Variants in NRG1 observed in about 807,000 individuals in gnomAD.
NRG1 encodes the protein neuregulin 1.
Under a neutral mutation model 63.8 loss-of-function variants are expected in NRG1, and 18 were observed. That is an observed-to-expected ratio of 0.28 (90% CI 0.19 to 0.42). NRG1 has a LOEUF of 0.42. Among genes scored for constraint, NRG1 ranks in the 10% least tolerant of loss-of-function variants. The probability of loss-of-function intolerance (pLI) is 1.00; values close to 1 mark genes in which losing one functional copy is unlikely to be tolerated. For missense variants in NRG1, 762 were observed against 814.7 expected, an observed-to-expected ratio of 0.94 and a Z score of 0.79; for synonymous variants, 302 against 301.3, an observed-to-expected ratio of 1.00 and a Z score of -0.02.
At position 32,309,744 on chromosome 8, in the gene NRG1, T is replaced by G. The variant is rs556020333; in HGVS notation, c.38-286084T>G. 1.4e-4 allele frequency among the ~76,000 whole-genome samples: 21 copies of G among 152,350 alleles called. No individual in the cohort carries two copies. The South Asian group carries it at 3.7e-3, about 27-fold the overall frequency. ...TTCCAGAGAACTACACTTGCTAAGT[T>G]CAGAATACTTTATCAGCTTACTTTG... On this transcript the variant is annotated intron_variant, in intron 1 of 10. Coordinates refer to the NRG1 transcript ENST00000519301.
At chr8:32,449,898 C>T (rs771436883) in intron 1 of NRG1, among the ~76,000 whole-genome samples, 1 of 152,110 alleles carries the variant, frequency 6.6e-6, no homozygotes, top group African/African-American at 2.4e-5. Context: ...CCTATGCAAT[C>T]GTGAAGATTT....
intron 1 of NRG1, among the ~76,000 whole-genome samples, chr8:32,581,014 A>G (rs757376364): frequency 2.6e-5 from 4 of 152,184 alleles, no homozygotes; most frequent in Non-Finnish European, 5.9e-5. Flanking sequence ...TGTAAAGAGG[A>G]AGGATTTATT....
At chr8:32,648,605 A>C (rs1381509994) in intron 5 of NRG1, among the ~76,000 whole-genome samples, 6 of 152,222 alleles carry the variant, frequency 3.9e-5, no homozygotes, top group Non-Finnish European at 5.9e-5. Context: ...CTCTCTAGCC[A>C]CATGGCTCAA....
intron 1 of NRG1, among the ~76,000 whole-genome samples, chr8:32,473,311 C>G (rs544843559): frequency 9.9e-5 from 15 of 152,274 alleles, no homozygotes; most frequent in African/African-American, 3.6e-4. Context: ...AATTTTAGAA[C>G]TGGAATTGAC....
intron 1 of NRG1, among the ~76,000 whole-genome samples, chr8:32,506,294 T>C (rs1230818349): frequency 6.6e-6 from 1 of 152,168 alleles, no homozygotes; most frequent in Non-Finnish European, 1.5e-5. Context: ...ATGCTGTTAC[T>C]AGATCTAAGT....
chr8:31,768,612 C>T (rs1168813385), intron 1 of NRG1, among the ~76,000 whole-genome samples: 3 of 152,184 alleles, frequency 2.0e-5, no homozygotes, highest in African/African-American at 4.8e-5. Context: ...AAAATCAGAT[C>T]CAACACATAC....
At chr8:31,809,464 C>G (rs1014204195) in intron 1 of NRG1, among the ~76,000 whole-genome samples, 1 of 149,594 alleles carries the variant, frequency 6.7e-6, no homozygotes, top group African/African-American at 2.4e-5. Flanking sequence ...TTTCTGTTCT[C>G]TGTCTTAACT....
chr8:32,668,365 A>C (rs1026785317), intron 5 of NRG1, among the ~76,000 whole-genome samples: 1 of 152,286 alleles, frequency 6.6e-6, no homozygotes, highest in Admixed American at 6.5e-5. Flanking sequence ...AACTGAGCTC[A>C]TGGAAGTAAC....
At chr8:32,305,314 G>A (rs368174994) in intron 1 of NRG1, among the ~76,000 whole-genome samples, 1 of 152,092 alleles carries the variant, frequency 6.6e-6, no homozygotes, top group African/African-American at 2.4e-5. Flanking sequence ...GTTAGTGAAT[G>A]AAGCTTTGTG....
chr8:32,652,596 C>T (rs1855364237), intron 5 of NRG1, among the ~76,000 whole-genome samples: 1 of 152,016 alleles, frequency 6.6e-6, no homozygotes, highest in Non-Finnish European at 1.5e-5. Context: ...AAAATAATTT[C>T]AACTGTCTTT....
intron 1 of NRG1, among the ~76,000 whole-genome samples, chr8:32,522,939 C>T (rs937694612): frequency 1.3e-5 from 2 of 151,822 alleles, no homozygotes; most frequent in African/African-American, 2.4e-5. Flanking sequence ...GTAGCTAGGA[C>T]TATAGGTGCC....
At chr8:31,891,084 A>G (rs1398914032) in intron 1 of NRG1, among the ~76,000 whole-genome samples, 1 of 152,234 alleles carries the variant, frequency 6.6e-6, no homozygotes, top group African/African-American at 2.4e-5. Context: ...TTTCAGATCT[A>G]AGGTGAGCCA....
rs181681529 is a variant in NRG1, at chr8:32,442,312, G to A, written c.38-153516G>A. On this transcript the variant is annotated intron_variant, in intron 1 of 10. Coordinates refer to the NRG1 transcript ENST00000519301. ...AGGTTTACCTGAGCCTGGACTCAAA[G>A]AATTACCTTCATTATGAGCTAAAGG... Among the ~76,000 whole-genome samples the A allele has an allele frequency of 3.5e-3, 532 of 152,284 alleles. 2 individuals carry two copies. Among genetic ancestry groups the A allele is most frequent in the Admixed American group, 0.012 (182 of 15,284 alleles).
chr8:32,151,628 G>A (rs1221823591), intron 1 of NRG1, among the ~76,000 whole-genome samples: 1 of 152,128 alleles, frequency 6.6e-6, no homozygotes, highest in African/African-American at 2.4e-5. Context: ...TATACTTGCT[G>A]GGGAAATGAG....
intron 1 of NRG1, among the ~76,000 whole-genome samples, chr8:31,847,751 G>T (rs2129608592): frequency 6.6e-6 from 1 of 152,304 alleles, no homozygotes; most frequent in African/African-American, 2.4e-5. Context: ...ATCACTTGCT[G>T]ATTTCTGCTG....
intron 1 of NRG1, among the ~76,000 whole-genome samples, chr8:32,536,118 T>G (rs1471894433): frequency 6.6e-6 from 1 of 152,188 alleles, no homozygotes; most frequent in Non-Finnish European, 1.5e-5. Context: ...AACTCACACT[T>G]TGTAGGTCAG....
intron 1 of NRG1, among the ~76,000 whole-genome samples, chr8:32,048,372 T>A (rs1821377706): frequency 6.7e-6 from 1 of 148,652 alleles, no homozygotes; most frequent in Admixed American, 6.8e-5. Context: ...CATGTATACA[T>A]ATATATGTAT....
chr8:32,251,490 C>A (rs78791626), intron 1 of NRG1, among the ~76,000 whole-genome samples: 1 of 152,144 alleles, frequency 6.6e-6, no homozygotes, highest in African/African-American at 2.4e-5. Flanking sequence ...CAAGTCTTTG[C>A]TATTGTGAAT....
intron 1 of NRG1, among the ~76,000 whole-genome samples, chr8:31,705,101 T>C (rs1240982911): frequency 6.6e-6 from 1 of 152,064 alleles, no homozygotes; most frequent in Non-Finnish European, 1.5e-5. Flanking sequence ...AGTGGCGCGA[T>C]CTCGGCTGAC....
Sources: allele counts gnomAD v4.1 joint callset (sites outside exome capture counted in the v4.1 genomes callset), GRCh38; gene constraint gnomAD v4.1.1; transcripts MANE v1.5; gene names NCBI Gene and HGNC (gene_info 2026-07-23, HGNC 2026-07-21).